HSF5: variants seen among roughly 807,000 people sequenced by gnomAD.
HSF5 encodes the protein heat shock factor protein 5.
HSF5 carries 5 observed loss-of-function variants against 50.8 expected under a neutral mutation model. The observed-to-expected ratio is 0.10, with a 90% CI of 0.05 to 0.21. The LOEUF (loss-of-function observed/expected upper bound fraction) is 0.21, where lower values mean the gene tolerates loss of function less well. HSF5 is among the 10% of genes least tolerant of loss of function. The probability of loss-of-function intolerance (pLI) is 1.00; values close to 1 mark genes in which losing one functional copy is unlikely to be tolerated. For synonymous variants in HSF5, 307 were observed against 307.4 expected, an observed-to-expected ratio of 1.00 and a Z score of 0.02; for missense variants, 564 against 762.6, an observed-to-expected ratio of 0.74 and a Z score of 3.07.
At chr17:58,466,670 G>A (rs1974871303) in intron 3 of HSF5, among the ~76,000 whole-genome samples, 1 of 151,624 alleles carries the variant, frequency 6.6e-6, no homozygotes, top group African/African-American at 2.4e-5. Context: ...TGTGGCTAGT[G>A]GCTACTATAT....
intron 2 of HSF5, chr17:58,476,383 A>G: frequency 9.5e-7 from 1 of 1,047,820 alleles, no homozygotes; most frequent in Non-Finnish European, 1.5e-6. Flanking sequence ...TCAGGTAAAG[A>G]AGCTCCCTGG....
chr17:58,471,119 G>A (rs184642123), intron 2 of HSF5, among the ~76,000 whole-genome samples: 30 of 152,304 alleles, frequency 2.0e-4, no homozygotes, highest in Admixed American at 7.2e-4. Flanking sequence ...TGGGGAAGAT[G>A]AAAAAGTTCT....
chr17:58,448,552 C>T (rs1197078825), intron 5 of HSF5, among the ~76,000 whole-genome samples: 4 of 152,100 alleles, frequency 2.6e-5, no homozygotes, highest in Admixed American at 2.6e-4. Context: ...CAGCAGAAAC[C>T]TTACAGGCAA....
At chr17:58,453,158 G>A (rs1389121175) in intron 5 of HSF5, among the ~76,000 whole-genome samples, 1 of 152,104 alleles carries the variant, frequency 6.6e-6, no homozygotes, top group African/African-American at 2.4e-5. Flanking sequence ...CAAAAAATTG[G>A]AGAGGAAGAA....
intron 5 of HSF5, among the ~76,000 whole-genome samples, chr17:58,442,632 A>G (rs997609248): frequency 4.6e-5 from 7 of 152,264 alleles, no homozygotes; most frequent in African/African-American, 1.7e-4. Context: ...TATGGTGAAT[A>G]ACATTAACAT....
chr17:58,451,812 A>T (rs1410721987), intron 5 of HSF5, among the ~76,000 whole-genome samples: 1 of 152,104 alleles, frequency 6.6e-6, no homozygotes, highest in Admixed American at 6.6e-5. Context: ...AACCCAAAAT[A>T]AGTAGAAGGA....
chr17:58,438,385 A>G (rs1418629320), intron 5 of HSF5, among the ~76,000 whole-genome samples: 1 of 152,234 alleles, frequency 6.6e-6, no homozygotes, highest in Non-Finnish European at 1.5e-5. Context: ...TTATAAAACA[A>G]TAACATTAAC....
In HSF5 at chr17:58,450,388, G is replaced by T. The variant is rs1439536418; in HGVS notation, c.1720+8380C>A. 1.4e-5 allele frequency among the ~76,000 whole-genome samples: 2 copies of T among 146,460 alleles called. 1 individual carries two copies. The highest frequency in any genetic ancestry group is 4.0e-4 in the East Asian group (2 of 5,022). On this transcript the variant is annotated intron_variant, in intron 5 of 5. Transcript: ENST00000323777. ...AGATATGCATAGAATGAAAGTGAAGGGATGGAGAAGAATGTTCCATCTTTT... is the reference window on the plus strand; with the variant it reads ...AGATATGCATAGAATGAAAGTGAAGTGATGGAGAAGAATGTTCCATCTTTT...
chr17:58,458,165 T>A (rs1025588608), intron 5 of HSF5, among the ~76,000 whole-genome samples: 3 of 152,254 alleles, frequency 2.0e-5, no homozygotes, highest in Admixed American at 2.0e-4. Flanking sequence ...ATGAGACACA[T>A]GTTTTATTAG....
intron 3 of HSF5, among the ~76,000 whole-genome samples, chr17:58,464,029 C>T (rs1422151667): frequency 6.6e-6 from 1 of 152,130 alleles, no homozygotes; most frequent in Non-Finnish European, 1.5e-5. Flanking sequence ...TGAAGAGCTT[C>T]GCACAGAGTA....
At chr17:58,472,937 C>T (rs1446578248) in intron 2 of HSF5, among the ~76,000 whole-genome samples, 1 of 152,094 alleles carries the variant, frequency 6.6e-6, no homozygotes, top group African/African-American at 2.4e-5. Flanking sequence ...TGCTGTTGTC[C>T]ACCCTATCTG....
chr17:58,441,531 A>G (rs554844913), intron 5 of HSF5, among the ~76,000 whole-genome samples: 1 of 152,208 alleles, frequency 6.6e-6, no homozygotes, highest in Non-Finnish European at 1.5e-5. Flanking sequence ...GAAATCAATG[A>G]AATAGAAAAC....
intron 5 of HSF5, among the ~76,000 whole-genome samples, chr17:58,424,263 A>G (rs1974263090): frequency 6.6e-6 from 1 of 152,200 alleles, no homozygotes; most frequent in East Asian, 1.9e-4. Flanking sequence ...CAACAGATGA[A>G]TGGATAAACA....
chr17:58,431,124 T>A (rs955525717), intron 5 of HSF5, among the ~76,000 whole-genome samples: 1 of 152,216 alleles, frequency 6.6e-6, no homozygotes, highest in African/African-American at 2.4e-5. Flanking sequence ...TCTTCTCTTG[T>A]CTGTTGCCAT....
intron 1 of HSF5, among the ~76,000 whole-genome samples, chr17:58,480,608 T>C (rs970135426): frequency 6.6e-6 from 1 of 152,186 alleles, no homozygotes; most frequent in Non-Finnish European, 1.5e-5. Context: ...CCCAGATTTT[T>C]CCAACGTGTA....
intron 5 of HSF5, among the ~76,000 whole-genome samples, chr17:58,440,327 G>A (rs1974482869): frequency 6.6e-6 from 1 of 152,110 alleles, no homozygotes; most frequent in Non-Finnish European, 1.5e-5. Flanking sequence ...TTATGGCTAG[G>A]ATCTCAATAA....
intron 5 of HSF5, among the ~76,000 whole-genome samples, chr17:58,451,769 A>G (rs1012137995): frequency 2.0e-5 from 3 of 152,122 alleles, no homozygotes; most frequent in African/African-American, 7.2e-5. Flanking sequence ...ATTATATTAC[A>G]TCTCAAGGAA....
chr17:58,463,443 C>G, intron 3 of HSF5, 140 bp from the exon 4 acceptor site: 1 of 681,386 alleles, frequency 1.5e-6, no homozygotes, highest in Non-Finnish European at 2.4e-6. Context: ...AGACACTAAT[C>G]TACTTTTCAG....
intron 5 of HSF5, among the ~76,000 whole-genome samples, chr17:58,439,775 T>C (rs996962235): frequency 1.3e-5 from 2 of 152,180 alleles, no homozygotes; most frequent in African/African-American, 2.4e-5. Flanking sequence ...TGAGCCACCA[T>C]GCCCAACTGG....
Sources: gnomAD v4.1 joint callset for allele counts (sites outside exome capture counted in the v4.1 genomes callset) on GRCh38, gnomAD v4.1.1 for gene constraint, MANE v1.5 for transcripts, NCBI Gene and HGNC (gene_info 2026-07-23, HGNC 2026-07-21) for gene names.